Variants in RNF212B observed in about 807,000 individuals in gnomAD.
RNF212B encodes E3 ubiquitin-protein ligase RNF212B.
RNF212B carries 52 observed loss-of-function variants against 55.5 expected under a neutral mutation model. The ratio of observed to expected loss-of-function variants is 0.94; its 90% CI spans 0.75 to 1.18. The LOEUF is 1.18. Ranked by LOEUF, RNF212B falls within the 50% of genes most tolerant of loss-of-function variation. RNF212B has a pLI of 0.00. For synonymous variants in RNF212B, 99 were observed against 121.4 expected (o/e 0.82, Z 1.21); for missense variants, 289 against 350.4 (o/e 0.82, Z 1.40).
chr14:23,272,241 C>A (rs976905410), intron 14 of RNF212B, among the ~76,000 whole-genome samples: 4 of 151,988 alleles, frequency 2.6e-5, no homozygotes, highest in Non-Finnish European at 4.4e-5. Context: ...CATGGTGAAA[C>A]CCCGTCTATA....
intron 2 of RNF212B, among the ~76,000 whole-genome samples, chr14:23,203,269 C>A (rs147300120): frequency 6.6e-6 from 1 of 152,094 alleles, no homozygotes; most frequent in African/African-American, 2.4e-5. Flanking sequence ...ACTTCACTTA[C>A]AATAATAGTC....
upstream of RNF212B, among the ~76,000 whole-genome samples, chr14:23,237,769 GA>G: frequency 6.6e-6 from 1 of 152,214 alleles, no homozygotes; most frequent in Middle Eastern, 3.4e-3. Context: ...GGGCTGCTGG[GA>G]AAAGTCTCCT....
At chr14:23,209,810 C>A (rs1439634387) in intron 2 of RNF212B, among the ~76,000 whole-genome samples, 1 of 152,078 alleles carries the variant, frequency 6.6e-6, no homozygotes, top group Non-Finnish European at 1.5e-5. Context: ...ATCATGTACC[C>A]CTGATACAAC....
chr14:23,239,148 C>T (rs1883369866), intron 1 of RNF212B, among the ~76,000 whole-genome samples: 1 of 152,122 alleles, frequency 6.6e-6, no homozygotes, highest in East Asian at 1.9e-4. Context: ...ACTGCAACCT[C>T]CTGGGTTCAA....
chr14:23,248,080 C>T (rs78638638), intron 4 of RNF212B, among the ~76,000 whole-genome samples: 3,244 of 152,226 alleles, frequency 0.021, 48 homozygotes, highest in Non-Finnish European at 0.029. Flanking sequence ...CCTCACATGG[C>T]AAAAGTGGCA....
chr14:23,218,174 T>C (rs2331948), intron 2 of RNF212B, among the ~76,000 whole-genome samples: 27,325 of 151,400 alleles, frequency 0.18, 2,491 homozygotes, highest in African/African-American at 0.2. Context: ...CGAGACCCTC[T>C]TGGCTAACAC....
chr14:23,188,325 C>G (rs1310593008), intron 1 of RNF212B: 1 of 152,144 alleles, frequency 6.6e-6, no homozygotes, highest in Non-Finnish European at 1.5e-5. Context: ...TTTCTTGATT[C>G]TTTTGCTGGG....
chr14:23,231,582 G>C (rs1271002075), intron 2 of RNF212B, among the ~76,000 whole-genome samples: 1 of 152,042 alleles, frequency 6.6e-6, no homozygotes, highest in Non-Finnish European at 1.5e-5. Flanking sequence ...TTTCAGAGTA[G>C]AAGAAAAGAT....
At chr14:23,196,256 GTCTC>G (rs946444144) in intron 2 of RNF212B, among the ~76,000 whole-genome samples, 7 of 152,096 alleles carry the variant, frequency 4.6e-5, no homozygotes, top group Admixed American at 1.3e-4. Context: ...AGTGCCCACT[GTCTC>G]TCTGTCATTA....
intron 1 of RNF212B, among the ~76,000 whole-genome samples, chr14:23,239,229 C>G (rs1883376315): frequency 1.3e-5 from 2 of 152,086 alleles, no homozygotes; most frequent in South Asian, 4.2e-4. Flanking sequence ...AGCTAATTTT[C>G]TTTTATTTTT....
chr14:23,215,004 G>A (rs1880925889), intron 2 of RNF212B, among the ~76,000 whole-genome samples: 1 of 152,206 alleles, frequency 6.6e-6, no homozygotes, highest in Admixed American at 6.5e-5. Flanking sequence ...TTACTGATAT[G>A]ATTTGGCTCT....
chr14:23,208,852 A>T (rs55974627), intron 2 of RNF212B, among the ~76,000 whole-genome samples: 2 of 136,924 alleles, frequency 1.5e-5, no homozygotes, highest in Non-Finnish European at 1.5e-5. Context: ...TCTGCCTCCC[A>T]GGTTCACGCC....
intron 2 of RNF212B, among the ~76,000 whole-genome samples, chr14:23,232,809 G>T: frequency 6.9e-6 from 1 of 145,386 alleles, no homozygotes; most frequent in African/African-American, 2.5e-5. Context: ...CCTCTGCCCG[G>T]CCGCCACCCT....
upstream of RNF212B, among the ~76,000 whole-genome samples, chr14:23,236,601 T>C (rs183435776): frequency 3.3e-5 from 5 of 152,298 alleles, no homozygotes; most frequent in East Asian, 9.6e-4. Context: ...TTTATTATTG[T>C]TTTCAAATAA....
At chr14:23,261,039 G>A (rs1885259063) in intron 7 of RNF212B, among the ~76,000 whole-genome samples, 2 of 152,156 alleles carry the variant, frequency 1.3e-5, no homozygotes, top group African/African-American at 2.4e-5. Context: ...AAGGAGACAG[G>A]GTCGTTCATA....
chr14:23,225,079 CA>C (rs1881888326), intron 2 of RNF212B, among the ~76,000 whole-genome samples: 1 of 149,380 alleles, frequency 6.7e-6, no homozygotes, highest in Non-Finnish European at 1.5e-5. Context: ...TGCCACCCCA[CA>C]CAAAAAAAAA....
chr14:23,196,324 G>T (rs932490357), intron 2 of RNF212B, among the ~76,000 whole-genome samples: 3 of 152,208 alleles, frequency 2.0e-5, no homozygotes, highest in Non-Finnish European at 2.9e-5. Flanking sequence ...ATGCCAAAAT[G>T]CATGGCCCAA....
intron 2 of RNF212B, among the ~76,000 whole-genome samples, chr14:23,218,377 AAT>A (rs1881285414): frequency 6.7e-6 from 1 of 149,342 alleles, no homozygotes; most frequent in Non-Finnish European, 1.5e-5. Flanking sequence ...CAAAAAAAAA[AAT>A]AAATAAAAAG....
At chr14:23,250,074 C>G (rs756800986) in intron 4 of RNF212B, among the ~76,000 whole-genome samples, 4 of 152,190 alleles carry the variant, frequency 2.6e-5, no homozygotes, top group Non-Finnish European at 5.9e-5. Flanking sequence ...CAAGTTATTA[C>G]GTAAGGTTAT....
Sources: allele counts gnomAD v4.1 joint callset (sites outside exome capture counted in the v4.1 genomes callset), GRCh38; gene constraint gnomAD v4.1.1; transcripts MANE v1.5; gene names NCBI Gene and HGNC (gene_info 2026-07-23, HGNC 2026-07-21).